The following PCSK2 variants were observed in gnomAD, a reference collection of about 807,000 sequenced individuals.
PCSK2 encodes neuroendocrine convertase 2.
A neutral mutation model predicts 69.7 loss-of-function variants in PCSK2; 14 were observed. The observed-to-expected ratio is 0.20, with a 90% CI of 0.13 to 0.31. The LOEUF (loss-of-function observed/expected upper bound fraction) is 0.31, where lower values mean the gene tolerates loss of function less well. Among genes scored for constraint, PCSK2 ranks in the 10% least tolerant of loss-of-function variants. The pLI is 1.00. For missense variants in PCSK2, 544 were observed against 842.5 expected (o/e 0.65, Z 4.39); for synonymous variants, 307 against 320.7 (o/e 0.96, Z 0.46).
chr20:17,316,347 T>G (rs768763596), intron 2 of PCSK2, among the ~76,000 whole-genome samples: 1 of 152,228 alleles, frequency 6.6e-6, no homozygotes, highest in African/African-American at 2.4e-5. Flanking sequence ...TGCTTTAAAA[T>G]TATATGTCTG....
intron 11 of PCSK2, among the ~76,000 whole-genome samples, chr20:17,470,070 G>T (rs527836649): frequency 6.6e-6 from 1 of 152,180 alleles, no homozygotes; most frequent in African/African-American, 2.4e-5. Context: ...TCCAAATGGG[G>T]GATTTAAGGC....
At chr20:17,331,292 C>A (rs528428525) in intron 2 of PCSK2, among the ~76,000 whole-genome samples, 1 of 152,286 alleles carries the variant, frequency 6.6e-6, no homozygotes, top group South Asian at 2.1e-4. Context: ...TTATTAGATT[C>A]TCAAATAACC....
At chr20:17,392,685 G>A (rs1476838590) in intron 5 of PCSK2, among the ~76,000 whole-genome samples, 1 of 152,148 alleles carries the variant, frequency 6.6e-6, no homozygotes, top group Admixed American at 6.5e-5. Context: ...GAATCATACA[G>A]TATACAGCCT....
At chr20:17,391,804 A>G (rs1898507311) in intron 5 of PCSK2, among the ~76,000 whole-genome samples, 1 of 151,950 alleles carries the variant, frequency 6.6e-6, no homozygotes, top group Non-Finnish European at 1.5e-5. Context: ...CCAGGAGATC[A>G]AGGCTGCAGT....
At chr20:17,322,924 C>T (rs1446083032) in intron 2 of PCSK2, among the ~76,000 whole-genome samples, 1 of 152,134 alleles carries the variant, frequency 6.6e-6, no homozygotes, top group African/African-American at 2.4e-5. Flanking sequence ...AGTCCAATGG[C>T]GTGATCTCGG....
At chr20:17,242,576 G>A (rs1216681441) in intron 1 of PCSK2, among the ~76,000 whole-genome samples, 1 of 152,110 alleles carries the variant, frequency 6.6e-6, no homozygotes, top group Non-Finnish European at 1.5e-5. Context: ...TATGTGTTGG[G>A]GTGTGACAAA....
At chr20:17,383,718 A>C (rs2031153336) in intron 5 of PCSK2, among the ~76,000 whole-genome samples, 1 of 152,342 alleles carries the variant, frequency 6.6e-6, no homozygotes, top group Non-Finnish European at 1.5e-5. Context: ...ATGCTTATCC[A>C]CTGTTCCACT....
chr20:17,258,031 C>A (rs1481075455), intron 1 of PCSK2, among the ~76,000 whole-genome samples: 1 of 152,148 alleles, frequency 6.6e-6, no homozygotes, highest in Non-Finnish European at 1.5e-5. Flanking sequence ...CTGAGCAAAC[C>A]CTGGGACAGA....
At chr20:17,347,420 C>T (rs1338210510) in intron 2 of PCSK2, among the ~76,000 whole-genome samples, 1 of 152,146 alleles carries the variant, frequency 6.6e-6, no homozygotes, top group African/African-American at 2.4e-5. Flanking sequence ...AATATCTGAG[C>T]CCCTTGGAGA....
rs768427020 is a variant in PCSK2 at position 17,227,528 on chromosome 20, C to CG, written c.177+53dup. ...CGCATGTTGTTTCAAAACGGGGGGACGGGGGGGCAGCCCTGCGCAATCTCA... is the reference window on the plus strand; with the variant it reads ...CGCATGTTGTTTCAAAACGGGGGGACGGGGGGGGCAGCCCTGCGCAATCTCA... On this transcript the variant is annotated intron_variant, in intron 1 of 11. Transcript: ENST00000262545. The CG allele has an allele frequency of 7.5e-5, 109 of 1,461,180 alleles. 1 individual carries two copies. The highest frequency in any genetic ancestry group is 2.3e-4 in the Admixed American group (13 of 56,622). 90.5% of individuals were successfully genotyped at this position (1,461,180 alleles called of 1,614,324 possible). A position where few individuals can be genotyped will look rare whatever the true frequency, so the allele number is the denominator to read the frequency against.
chr20:17,428,772 G>A (rs556897002), intron 6 of PCSK2, among the ~76,000 whole-genome samples: 7 of 152,008 alleles, frequency 4.6e-5, no homozygotes, highest in African/African-American at 1.4e-4. Context: ...GCTTAGATGG[G>A]AAGATCGCTT....
intron 11 of PCSK2, among the ~76,000 whole-genome samples, chr20:17,468,288 A>G (rs2033139256): frequency 7.1e-6 from 1 of 141,614 alleles, no homozygotes; most frequent in Non-Finnish European, 1.5e-5. Context: ...GCATCATTCC[A>G]CAGGCCAGCA....
At chr20:17,390,413 A>G (rs1261412000) in intron 5 of PCSK2, among the ~76,000 whole-genome samples, 1 of 152,250 alleles carries the variant, frequency 6.6e-6, no homozygotes, top group Non-Finnish European at 1.5e-5. Flanking sequence ...ACCTCAATTA[A>G]AAAACATGAT....
At chr20:17,360,984 C>T (rs1245235768) in intron 4 of PCSK2, among the ~76,000 whole-genome samples, 3 of 152,232 alleles carry the variant, frequency 2.0e-5, no homozygotes, top group East Asian at 3.9e-4. Context: ...TCTAGACTCA[C>T]ACTATCCAAT....
At chr20:17,369,779 G>T (rs541856196) in intron 5 of PCSK2, among the ~76,000 whole-genome samples, 3 of 152,268 alleles carry the variant, frequency 2.0e-5, no homozygotes, top group Non-Finnish European at 4.4e-5. Context: ...TGAATTGAAG[G>T]GTGGAAATGA....
chr20:17,265,065 T>C (rs1272342257), intron 2 of PCSK2, among the ~76,000 whole-genome samples: 3 of 152,178 alleles, frequency 2.0e-5, no homozygotes, highest in South Asian at 2.1e-4. Flanking sequence ...GGTTTCACCA[T>C]GTTGGCCGGG....
At chr20:17,234,612 T>C (rs1986263844) in intron 1 of PCSK2, among the ~76,000 whole-genome samples, 1 of 152,196 alleles carries the variant, frequency 6.6e-6, no homozygotes, top group South Asian at 2.1e-4. Context: ...AAGTAAAGTC[T>C]GCAGTTACAA....
At position 17,480,184 on chromosome 20, in the gene PCSK2, CTTTTTTT is replaced by C. The variant is rs1164266992; in HGVS notation, c.1431-1383_1431-1377del. The stretch of plus-strand genomic sequence containing the variant: ...ATTAATTTACCCATTTTCAGCTTTT[CTTTTTTT>C]TTTTTTTTTTTTTTTTGAGGCAGAG... On this transcript the variant is annotated intron_variant, in intron 11 of 11. Transcript: ENST00000262545. 1.6e-4 allele frequency among the ~76,000 whole-genome samples: 12 copies of C among 76,984 alleles called. No individual in the cohort carries two copies. The South Asian group carries it at 3.0e-3, about 19-fold the overall frequency. 50.5% of individuals were successfully genotyped at this position (76,984 alleles called of 152,430 possible). A position where few individuals can be genotyped will look rare whatever the true frequency, so the allele number is the denominator to read the frequency against.
chr20:17,471,969 A>G (rs866307862), intron 11 of PCSK2, among the ~76,000 whole-genome samples: 1 of 152,222 alleles, frequency 6.6e-6, no homozygotes, highest in Non-Finnish European at 1.5e-5. Context: ...CCTTGGCATT[A>G]ATCTTCCCGG....
Sources: allele counts gnomAD v4.1 joint callset (sites outside exome capture counted in the v4.1 genomes callset), GRCh38; gene constraint gnomAD v4.1.1; transcripts MANE v1.5; gene names NCBI Gene and HGNC (gene_info 2026-07-23, HGNC 2026-07-21).